The following SLC7A14 variants were observed in gnomAD, a reference collection of about 807,000 sequenced individuals.
SLC7A14 encodes solute carrier family 7 member 14, also known as gamma-aminobutyric acid transporter SLC7A14.
A neutral mutation model predicts 60.2 loss-of-function variants in SLC7A14; 37 were observed. The ratio of observed to expected loss-of-function variants is 0.61; its 90% confidence interval spans 0.47 to 0.81. SLC7A14 has a LOEUF of 0.81. SLC7A14 is among the 30% of genes least tolerant of loss of function. SLC7A14 has a pLI of 0.00. For missense variants in SLC7A14, 886 were observed against 982.7 expected, an observed-to-expected ratio of 0.90 and a Z score of 1.32; for synonymous variants, 399 against 395.8, an observed-to-expected ratio of 1.01 and a Z score of -0.10.
At chr3:170,523,960 C>G (rs562103242) in intron 2 of SLC7A14, among the ~76,000 whole-genome samples, 2 of 152,156 alleles carry the variant, frequency 1.3e-5, no homozygotes. Flanking sequence ...CCTGGCCTGA[C>G]TAGGGGCTCT....
intron 1 of SLC7A14, among the ~76,000 whole-genome samples, chr3:170,534,332 C>T (rs1713772407): frequency 6.6e-6 from 1 of 152,150 alleles, no homozygotes; most frequent in South Asian, 2.1e-4. Context: ...AATGTCTCTA[C>T]TGCTTGTGCT....
rs2108321784 is a variant in SLC7A14 at position 170,585,021 on chromosome 3, C to T, written c.-153+890G>A. On this transcript the variant is annotated intron_variant, in intron 1 of 7. Transcript: ENST00000231706. The surrounding 1 kb of genome is among the most constrained non-coding windows in gnomAD (Gnocchi z 5.1). ...TCTTCTCGCCTTTGCTTTGCTCACT[C>T]TTCAATCGCAATATAAAATACTCAT... Among the ~76,000 whole-genome samples, 1 of 152,226 alleles carries T rather than the reference C, an allele frequency of 6.6e-6. No individual in the cohort carries two copies. Among genetic ancestry groups the T allele is most frequent in the African/African-American group, 2.4e-5 (1 of 41,542 alleles).
rs532760522 is a variant in SLC7A14 at position 170,585,464 on chromosome 3, C to G, written c.-153+447G>C. On this transcript the variant is annotated intron_variant, in intron 1 of 7. Transcript: ENST00000231706. This position sits in a 1 kb window ranked among gnomAD's most constrained non-coding sequence, Gnocchi z 5.1. ...GCGTCTCCGTTTCATGGTCTCGGTC[C>G]GAGGCGGAGAACGGAGCTGCCCGTG... Among the ~76,000 whole-genome samples the G allele has an allele frequency of 6.6e-6, 1 of 152,322 alleles. No individual in the cohort carries two copies. The highest frequency in any genetic ancestry group is 2.4e-5 in the African/African-American group (1 of 41,582).
At chr3:170,563,153 G>A (rs898829462) in intron 1 of SLC7A14, among the ~76,000 whole-genome samples, 3 of 152,092 alleles carry the variant, frequency 2.0e-5, no homozygotes, top group African/African-American at 4.8e-5. Flanking sequence ...TTTAGGTGAA[G>A]CTTCTTTTTG....
intron 4 of SLC7A14, among the ~76,000 whole-genome samples, chr3:170,493,979 A>G (rs1467680551): frequency 6.6e-6 from 1 of 152,230 alleles, no homozygotes; most frequent in Non-Finnish European, 1.5e-5. Context: ...AATCCCAGCC[A>G]AACTTTTTTC....
In SLC7A14 at chr3:170,465,372, T is replaced by C. The variant is rs1028442019; in HGVS notation, c.*1683A>G. ...TCCAGTGCTGCTCATCCATGGACTG[T>C]AGCCCCCAAGGGCAAGTGCCATGCT... On this transcript the variant is annotated 3_prime_UTR_variant, in exon 8 of 8. Transcript: ENST00000231706. 25 of 152,398 alleles carry C rather than the reference T, an allele frequency of 1.6e-4. No homozygotes were observed. The highest frequency in any genetic ancestry group is 6.0e-4 in the African/African-American group (25 of 41,602). The allele number at this position is 152,398 out of a possible 1,614,324, so 9.4% of individuals were successfully genotyped here. A position where few individuals can be genotyped will look rare whatever the true frequency, so the allele number is the denominator to read the frequency against.
intron 1 of SLC7A14, among the ~76,000 whole-genome samples, chr3:170,562,615 C>T (rs901872032): frequency 6.6e-6 from 1 of 151,994 alleles, no homozygotes; most frequent in African/African-American, 2.4e-5. Context: ...ACTCATACCA[C>T]CTGTTCCCCA....
chr3:170,535,568 C>G lies in SLC7A14; in HGVS notation c.-152-8480G>C, dbSNP rs1560272905. 6.6e-6 allele frequency among the ~76,000 whole-genome samples: 1 copy of G among 152,186 alleles called. No individual in the cohort carries two copies. Among genetic ancestry groups the G allele is most frequent in the Non-Finnish European group, 1.5e-5 (1 of 68,034 alleles). On this transcript the variant is annotated intron_variant, in intron 1 of 7. Transcript: ENST00000231706. The surrounding 1 kb of genome is among the most constrained non-coding windows in gnomAD (Gnocchi z 4.3). Reference sequence around the variant, plus strand: ...CCAGATCCACCCAGCAGCCCACTGGCTGTGTCCTGGGGAGCTGACATGCTC... The same window carrying G: ...CCAGATCCACCCAGCAGCCCACTGGGTGTGTCCTGGGGAGCTGACATGCTC...
chr3:170,527,111 CAGA>C (rs1713533183), intron 1 of SLC7A14, 23 bp from the exon 2 acceptor site: 6 of 669,310 alleles, frequency 9.0e-6, no homozygotes, highest in Non-Finnish European at 1.5e-5. Context: ...CACAAGAAAG[CAGA>C]AGATGAGACC....
At chr3:170,498,977 T>C (rs1003779009) in intron 3 of SLC7A14, 93 bp from the exon 4 acceptor site, 4 of 1,235,132 alleles carry the variant, frequency 3.2e-6, no homozygotes, top group Admixed American at 2.0e-5. Context: ...TACTCAGCTT[T>C]AAGAAGGGCA....
At chr3:170,518,751 A>C (rs1713246286) in intron 2 of SLC7A14, among the ~76,000 whole-genome samples, 1 of 152,192 alleles carries the variant, frequency 6.6e-6, no homozygotes, top group Non-Finnish European at 1.5e-5. Flanking sequence ...TGAAGAAATA[A>C]CTGCTTGGTA....
intron 1 of SLC7A14, among the ~76,000 whole-genome samples, chr3:170,550,534 T>TTTTTTTTTTTA (rs1714315577): frequency 7.1e-6 from 1 of 141,092 alleles, no homozygotes; most frequent in Non-Finnish European, 1.5e-5. Context: ...TTTTTTTTTT[T>TTTTTTTTTTTA]TTTGGTGACA....
intron 1 of SLC7A14, among the ~76,000 whole-genome samples, chr3:170,550,043 T>C (rs1714297749): frequency 6.6e-6 from 1 of 152,220 alleles, no homozygotes; most frequent in African/African-American, 2.4e-5. Flanking sequence ...ATGGTTGTGA[T>C]TGGACATGTG....
chr3:170,496,606 G>A (rs1394895767), intron 4 of SLC7A14: 2 of 1,583,610 alleles, frequency 1.3e-6, no homozygotes, highest in African/African-American at 1.3e-5. Context: ...GCCACCTACA[G>A]GAAGCTGCTG....
chr3:170,578,548 A>G (rs1715158606), intron 1 of SLC7A14, among the ~76,000 whole-genome samples: 1 of 152,216 alleles, frequency 6.6e-6, no homozygotes, highest in African/African-American at 2.4e-5. Flanking sequence ...AGGTAATTTA[A>G]CTACTTTAGT....
intron 4 of SLC7A14, among the ~76,000 whole-genome samples, chr3:170,487,941 TGTTGCAGAGATC>T (rs1712087082): frequency 6.6e-6 from 1 of 152,248 alleles, no homozygotes. Context: ...ATATGAGAGT[TGTTGCAGAGATC>T]TTGAAATATC....
intron 1 of SLC7A14, among the ~76,000 whole-genome samples, chr3:170,545,493 T>C (rs746108553): frequency 2.6e-5 from 4 of 152,218 alleles, no homozygotes; most frequent in African/African-American, 7.2e-5. Flanking sequence ...TAGAGTTTAA[T>C]TGGCCAAATT....
rs1369554527 is a variant in SLC7A14, at chr3:170,466,929, C to G, written c.*126G>C. 1.3e-6 allele frequency: 1 copy of G among 793,820 alleles called. No homozygotes were observed. Among genetic ancestry groups the G allele is most frequent in the Non-Finnish European group, 2.0e-6 (1 of 492,808 alleles). 49.2% of individuals were successfully genotyped at this position (793,820 alleles called of 1,614,324 possible). On this transcript the variant is annotated 3_prime_UTR_variant, in exon 8 of 8. Coordinates refer to ENST00000231706, the MANE Select transcript of SLC7A14 (RefSeq NM_020949.3). ...AAAAGTAGCAAATGACAGGCTATGA[C>G]TAGGGATTGAATTTGGGGAAGGCTG...
intron 2 of SLC7A14, among the ~76,000 whole-genome samples, chr3:170,523,823 A>G (rs867922010): frequency 1.3e-5 from 2 of 152,190 alleles, no homozygotes; most frequent in Non-Finnish European, 2.9e-5. Context: ...ATGATGTGAA[A>G]GTGGAAAAAA....
Sources: gnomAD v4.1 joint callset for allele counts (sites outside exome capture counted in the v4.1 genomes callset) on GRCh38, gnomAD v4.1.1 for gene constraint, Gnocchi (gnomAD v3.1) non-coding constraint, MANE v1.5 for transcripts, NCBI Gene and HGNC (gene_info 2026-07-23, HGNC 2026-07-21) for gene names.